The following GYG1 variants were observed in gnomAD, a reference collection of about 807,000 sequenced individuals.
The protein encoded by GYG1 is glycogenin-1.
GYG1 carries 44 observed loss-of-function variants against 41.9 expected under a neutral mutation model. That is an observed-to-expected ratio of 1.05 (90% CI 0.83 to 1.35). GYG1 has a LOEUF of 1.35. Among genes scored for constraint, GYG1 ranks in the 40% most tolerant of loss-of-function variants. GYG1 has a pLI of 0.00. For synonymous variants in GYG1, 141 were observed against 158.1 expected, an observed-to-expected ratio of 0.89 and a Z score of 0.81; for missense variants, 429 against 418.9, an observed-to-expected ratio of 1.02 and a Z score of -0.21.
At chr3:149,014,112 G>A (rs533199461) in intron 5 of GYG1, among the ~76,000 whole-genome samples, 1 of 152,152 alleles carries the variant, frequency 6.6e-6, no homozygotes, top group South Asian at 2.1e-4. Flanking sequence ...GTCATGGTTT[G>A]AGTGTTAAGA....
At chr3:149,020,462 T>A (rs1714305574) in intron 5 of GYG1, among the ~76,000 whole-genome samples, 1 of 152,234 alleles carries the variant, frequency 6.6e-6, no homozygotes, top group Non-Finnish European at 1.5e-5. Context: ...CCCAGCCTTG[T>A]CACTCACCAG....
intron 5 of GYG1, among the ~76,000 whole-genome samples, chr3:149,013,602 CATTT>C (rs1348170641): frequency 1.3e-5 from 2 of 152,092 alleles, no homozygotes; most frequent in Non-Finnish European, 2.9e-5. Flanking sequence ...AATATTTTTT[CATTT>C]ATTCTACTCT....
rs1714819972 is a variant in GYG1, at chr3:149,029,133, T to G, written c.*2200T>G. ...GCTGTCAAGTTATTTGGCTAGAAAA[T>G]CACTGAACTAAACATTCTTTTCCTT... is the stretch of plus-strand genomic sequence containing the variant. On this transcript the variant is annotated 3_prime_UTR_variant, in exon 8 of 8. Coordinates refer to ENST00000345003, the MANE Select transcript of GYG1 (RefSeq NM_004130.4). Among the ~76,000 whole-genome samples the G allele has an allele frequency of 6.6e-6, 1 of 152,206 alleles. No homozygotes were observed.
At chr3:149,023,849 T>C (rs1267666021) in intron 5 of GYG1, among the ~76,000 whole-genome samples, 1 of 150,454 alleles carries the variant, frequency 6.6e-6, no homozygotes, top group African/African-American at 2.4e-5. Flanking sequence ...TAGCTAGGCA[T>C]GGTGGCCTGT....
At chr3:149,005,799 A>G (rs1713368912) in intron 4 of GYG1, among the ~76,000 whole-genome samples, 1 of 152,224 alleles carries the variant, frequency 6.6e-6, no homozygotes, top group Non-Finnish European at 1.5e-5. Context: ...GTTGTAAGAA[A>G]TAATACAGAC....
At chr3:148,993,418 T>C (rs1260040189) in intron 1 of GYG1, among the ~76,000 whole-genome samples, 1 of 152,096 alleles carries the variant, frequency 6.6e-6, no homozygotes, top group East Asian at 1.9e-4. Flanking sequence ...TATTTATCAG[T>C]GATTGATAAC....
At chr3:149,024,403 A>G (rs1307668124) in intron 6 of GYG1, 131 bp downstream of exon 6, 4 of 695,948 alleles carry the variant, frequency 5.7e-6, no homozygotes, top group South Asian at 1.6e-5. Context: ...AAAGAAAACA[A>G]TAACCATCTT....
chr3:149,027,384 A>G lies in GYG1; in HGVS notation c.*451A>G, dbSNP rs1714716461. ...AGTGCTGCCAGAGTGAGTGAGTGTA[A>G]TTCTCCTTTCAGGTAAAGATAGGCT... is the stretch of plus-strand genomic sequence containing the variant. On this transcript the variant is annotated 3_prime_UTR_variant, in exon 8 of 8. Coordinates refer to ENST00000345003, the MANE Select transcript of GYG1 (RefSeq NM_004130.4). 5.3e-6 allele frequency: 1 copy of G among 188,636 alleles called. No individual in the cohort carries two copies. Among genetic ancestry groups the G allele is most frequent in the Non-Finnish European group, 1.1e-5 (1 of 89,020 alleles). 11.7% of individuals were successfully genotyped at this position (188,636 alleles called of 1,614,324 possible).
At chr3:149,013,032 T>TGTGTGTGTGTG (rs61477065) in intron 5 of GYG1, among the ~76,000 whole-genome samples, 16 of 150,926 alleles carry the variant, frequency 1.1e-4, no homozygotes, top group African/African-American at 2.2e-4. Flanking sequence ...TGTGTGTGTG[T>TGTGTGTGTGTG]TTTATAGAGA....
At position 149,026,807 on chromosome 3, in the gene GYG1, A is replaced by C. The variant is rs1714676784; in HGVS notation, c.927A>C (p.Pro309=). The part of the protein sequence containing the change: ...AISHLSLGEI[P]AMAQPFVSSE... The stretch of plus-strand genomic sequence containing the variant: ...CACATCTGTCCCTTGGGGAGATCCC[A>C]GCTATGGCACAGCCGTTTGTATCCT... The change falls in exon 8 of 8, where the codon CCA becomes CCC. Residue 309 remains proline (P), a synonymous_variant. Transcript: ENST00000345003. 6.2e-7 allele frequency: 1 copy of C among 1,613,792 alleles called. No individual in the cohort carries two copies. The highest frequency in any genetic ancestry group is 8.5e-7 in the Non-Finnish European group (1 of 1,179,812).
Position 148,996,287 on chromosome 3 carries a change from A to G in GYG1, c.144-15A>G. 6.3e-7 allele frequency: 1 copy of G among 1,598,150 alleles called. No individual in the cohort carries two copies. Among genetic ancestry groups the G allele is most frequent in the South Asian group, 1.1e-5 (1 of 90,710 alleles). ...AAAGATGCTAAGTGTGGTATTCTGGATTTTATTTTGACAGAAAAGTTTTAG... is the reference window on the plus strand; with the variant it reads ...AAAGATGCTAAGTGTGGTATTCTGGGTTTTATTTTGACAGAAAAGTTTTAG... On this transcript the variant is annotated splice_polypyrimidine_tract_variant and intron_variant, in intron 2 of 7. Transcript: ENST00000345003.
At chr3:149,005,710 T>C (rs1456838944) in intron 4 of GYG1, among the ~76,000 whole-genome samples, 1 of 152,234 alleles carries the variant, frequency 6.6e-6, no homozygotes, top group Non-Finnish European at 1.5e-5. Flanking sequence ...GAATTTAGCA[T>C]CTAATTCCTG....
intron 4 of GYG1, among the ~76,000 whole-genome samples, chr3:149,006,244 G>A (rs1398945368): frequency 9.2e-5 from 14 of 151,794 alleles, no homozygotes; most frequent in Non-Finnish European, 7.4e-5. Flanking sequence ...CACCATGCCC[G>A]GCTAATTTTT....
At chr3:149,025,408 C>T (rs1458686617) in intron 6 of GYG1, among the ~76,000 whole-genome samples, 4 of 152,196 alleles carry the variant, frequency 2.6e-5, no homozygotes, top group African/African-American at 9.7e-5. Context: ...ACTCGCCTGC[C>T]ACTCACCTTG....
At chr3:149,020,433 C>A (rs1232168387) in intron 5 of GYG1, among the ~76,000 whole-genome samples, 1 of 152,230 alleles carries the variant, frequency 6.6e-6, no homozygotes, top group African/African-American at 2.4e-5. Flanking sequence ...GCTCTGCAGC[C>A]AGACTGCCTG....
chr3:149,017,551 T>G (rs1227447003), intron 5 of GYG1, among the ~76,000 whole-genome samples: 1 of 151,112 alleles, frequency 6.6e-6, no homozygotes, highest in Non-Finnish European at 1.5e-5. Context: ...GTGAAGTATT[T>G]TGCTTTTATT....
chr3:149,023,971 A>C, intron 5 of GYG1, 82 bp from the exon 6 acceptor site: 1 of 938,456 alleles, frequency 1.1e-6, no homozygotes. Flanking sequence ...AGAAAGCTAT[A>C]GAAAAGTGCT....
chr3:148,994,192 CTG>C lies in GYG1; in HGVS notation c.59_60del (p.Leu20ArgfsTer36). On this transcript the variant is annotated frameshift_variant, in exon 2 of 8. Transcript: ENST00000345003. LOFTEE classifies it high-confidence loss of function. ...TTNDAYAKGA[L>X]VLGSSLKQHR... Reference sequence around the variant, plus strand: ...AAACGATGCCTACGCCAAAGGTGCCCTGGTCCTGGGATCATCTCTGAAACAGC... The same window carrying C: ...AAACGATGCCTACGCCAAAGGTGCCCGTCCTGGGATCATCTCTGAAACAGC... The C allele has an allele frequency of 6.2e-7, 1 of 1,613,926 alleles. No individual in the cohort carries two copies. The highest frequency in any genetic ancestry group is 8.5e-7 in the Non-Finnish European group (1 of 1,179,838).
At chr3:149,022,419 CCA>C (rs1161705653) in intron 5 of GYG1, among the ~76,000 whole-genome samples, 1 of 151,634 alleles carries the variant, frequency 6.6e-6, no homozygotes, top group Non-Finnish European at 1.5e-5. Flanking sequence ...CGCCTTTCCC[CCA>C]GAGGTAACCA....
Sources: allele counts gnomAD v4.1 joint callset (sites outside exome capture counted in the v4.1 genomes callset), GRCh38; gene constraint gnomAD v4.1.1; transcripts MANE v1.5; gene names NCBI Gene and HGNC (gene_info 2026-07-23, HGNC 2026-07-21).